ANKS1B: variants seen among roughly 807,000 people sequenced by gnomAD.
The protein encoded by ANKS1B is ankyrin repeat and sterile alpha motif domain containing 1B.
A neutral mutation model predicts 148.3 loss-of-function variants in ANKS1B; 36 were observed. The observed-to-expected ratio is 0.24, with a 90% CI of 0.19 to 0.32. The LOEUF (loss-of-function observed/expected upper bound fraction) is 0.32. Ranked by LOEUF, ANKS1B falls within the 10% of genes least tolerant of loss-of-function variation. The pLI is 1.00. For synonymous variants in ANKS1B, 542 were observed against 560.8 expected (o/e 0.97, Z 0.47); for missense variants, 1,157 against 1,542.6 (o/e 0.75, Z 4.19).
chr12:99,936,955 A>G (rs1446194949), intron 1 of ANKS1B, among the ~76,000 whole-genome samples: 2 of 152,214 alleles, frequency 1.3e-5, no homozygotes, highest in Admixed American at 6.5e-5. Flanking sequence ...ATAGGTAACC[A>G]AAGTATACAG....
intron 9 of ANKS1B, among the ~76,000 whole-genome samples, chr12:99,517,413 A>C (rs1322169186): frequency 6.6e-6 from 1 of 151,930 alleles, no homozygotes; most frequent in Non-Finnish European, 1.5e-5. Flanking sequence ...TGGAGTCTTT[A>C]GGTTTTTCCA....
intron 1 of ANKS1B, among the ~76,000 whole-genome samples, chr12:99,855,247 G>A (rs1364160639): frequency 1.3e-5 from 2 of 152,026 alleles, no homozygotes; most frequent in Non-Finnish European, 2.9e-5. Flanking sequence ...GTGAACAGGA[G>A]TAACTAATAT....
At chr12:99,757,433 C>T (rs7968507) in intron 8 of ANKS1B, among the ~76,000 whole-genome samples, 66,291 of 151,514 alleles carry the variant, frequency 0.44, 14,883 homozygotes, top group South Asian at 0.61. Context: ...ATGTAAAAAA[C>T]ATAACAGACG....
intron 11 of ANKS1B, among the ~76,000 whole-genome samples, chr12:99,433,795 T>G (rs1382172115): frequency 6.6e-6 from 1 of 151,806 alleles, no homozygotes; most frequent in Admixed American, 6.6e-5. Flanking sequence ...ACATGGGGAG[T>G]GAAAGTAGAC....
chr12:98,910,674 A>G (rs550147716), intron 17 of ANKS1B, among the ~76,000 whole-genome samples: 2 of 152,362 alleles, frequency 1.3e-5, no homozygotes, highest in African/African-American at 4.8e-5. Context: ...AAATTTGTAG[A>G]AACTTGTTGT....
Position 99,104,259 on chromosome 12 carries a change from G to A in ANKS1B, c.2527-19236C>T, listed in dbSNP as rs539858374. On this transcript the variant is annotated intron_variant, in intron 15 of 26. Transcript: ENST00000683438. ...CAGATGAGATATTGAGTGTATATGC[G>A]TGTATGTGTATGTTGGGGGAGTGAG... Among the ~76,000 whole-genome samples, 17 of 152,280 alleles carry A rather than the reference G, an allele frequency of 1.1e-4. 1 individual carries two copies. The highest frequency in any genetic ancestry group is 2.4e-4 in the African/African-American group (10 of 41,570).
chr12:99,810,508 G>A (rs1310798730), intron 3 of ANKS1B, among the ~76,000 whole-genome samples: 1 of 151,798 alleles, frequency 6.6e-6, no homozygotes, highest in Non-Finnish European at 1.5e-5. Flanking sequence ...CATCAAAAGA[G>A]TATACATATA....
rs570769940 is a variant in ANKS1B at position 99,510,134 on chromosome 12, G to T, written c.1273-5493C>A. On this transcript the variant is annotated intron_variant, in intron 9 of 26. Transcript: ENST00000683438. ...CAAAATATTACTATTCATTGACAAAGCCACAGATCACCCAAGAGCTCTGAT... is the reference window on the plus strand; with the variant it reads ...CAAAATATTACTATTCATTGACAAATCCACAGATCACCCAAGAGCTCTGAT... Among the ~76,000 whole-genome samples, 20 of 152,034 alleles carry T rather than the reference G, an allele frequency of 1.3e-4. No homozygotes were observed. The South Asian group carries it at 3.9e-3, about 30-fold the overall frequency.
intron 8 of ANKS1B, among the ~76,000 whole-genome samples, chr12:99,709,724 T>C (rs773796848): frequency 1.3e-5 from 2 of 152,000 alleles, no homozygotes; most frequent in Non-Finnish European, 2.9e-5. Flanking sequence ...AAAAAAGGAA[T>C]GAGACAAGGG....
At position 99,474,628 on chromosome 12, in the gene ANKS1B, T is replaced by C. The variant is rs184067032; in HGVS notation, c.1438+29848A>G. Among the ~76,000 whole-genome samples, 6 of 151,930 alleles carry C rather than the reference T, an allele frequency of 3.9e-5. No homozygotes were observed. In the East Asian group the frequency reaches 9.7e-4, roughly 25 times the overall value. On this transcript the variant is annotated intron_variant, in intron 10 of 26. Coordinates refer to ENST00000683438, the MANE Select transcript of ANKS1B (RefSeq NM_001352186.2). ...GCAAACAAAATAACAGAAATGAAAA[T>C]ATTAAAATATATAAGGTCATATTTT...
At chr12:99,658,625 C>T (rs1334440314) in intron 8 of ANKS1B, among the ~76,000 whole-genome samples, 1 of 152,090 alleles carries the variant, frequency 6.6e-6, no homozygotes, top group African/African-American at 2.4e-5. Flanking sequence ...CCTAGCTCTA[C>T]CACTTCCAAG....
intron 17 of ANKS1B, among the ~76,000 whole-genome samples, chr12:98,885,785 C>A (rs1051092061): frequency 6.6e-6 from 1 of 152,158 alleles, no homozygotes; most frequent in Non-Finnish European, 1.5e-5. Context: ...TTGAGTTGAG[C>A]TGAGCTGTCT....
chr12:99,807,898 T>C (rs1381418776), intron 3 of ANKS1B, among the ~76,000 whole-genome samples: 3 of 152,130 alleles, frequency 2.0e-5, no homozygotes, highest in African/African-American at 7.2e-5. Flanking sequence ...ACTATATATA[T>C]TGTCTCATTT....
At chr12:99,260,926 A>C (rs1376802900) in intron 12 of ANKS1B, among the ~76,000 whole-genome samples, 1 of 152,188 alleles carries the variant, frequency 6.6e-6, no homozygotes, top group Non-Finnish European at 1.5e-5. Context: ...GGTAAATGAC[A>C]TATTCATTTA....
chr12:99,873,156 CTAT>C (rs1370836778), intron 1 of ANKS1B, among the ~76,000 whole-genome samples: 1 of 152,020 alleles, frequency 6.6e-6, no homozygotes, highest in East Asian at 1.9e-4. Flanking sequence ...AAATGTTAGG[CTAT>C]TATTATTATC....
At position 99,181,247 on chromosome 12, in the gene ANKS1B, C is replaced by CT. The variant is rs200363985; in HGVS notation, c.2420-26853dup. 4.4e-3 allele frequency among the ~76,000 whole-genome samples: 646 copies of CT among 146,278 alleles called. 2 individuals are homozygous for CT. Among genetic ancestry groups the CT allele is most frequent in the African/African-American group, 0.013 (535 of 40,016 alleles). ...ATAAGTTAGGAAAAAGAAGCCTTGG[C>CT]TTTTTTTTTTGGCTCCCAATACCTT... On this transcript the variant is annotated intron_variant, in intron 14 of 26. Transcript: ENST00000683438.
At chr12:99,174,967 A>G (rs1334660255) in intron 14 of ANKS1B, among the ~76,000 whole-genome samples, 1 of 152,202 alleles carries the variant, frequency 6.6e-6, no homozygotes, top group African/African-American at 2.4e-5. Flanking sequence ...CTGATGCTCA[A>G]TGAAGGAATT....
intron 9 of ANKS1B, among the ~76,000 whole-genome samples, chr12:98,737,181 G>A (rs1183345487): frequency 6.6e-6 from 1 of 152,114 alleles, no homozygotes; most frequent in Non-Finnish European, 1.5e-5. Context: ...GCCTCCAGTT[G>A]TGCCCTTCTG....
At chr12:99,584,195 A>G (rs374720646) in intron 9 of ANKS1B, among the ~76,000 whole-genome samples, 6 of 152,238 alleles carry the variant, frequency 3.9e-5, no homozygotes, top group African/African-American at 1.4e-4. Context: ...TCAATTTTAT[A>G]AAGTCATGGG....
Sources: gnomAD v4.1 joint callset for allele counts (sites outside exome capture counted in the v4.1 genomes callset) on GRCh38, gnomAD v4.1.1 for gene constraint, MANE v1.5 for transcripts, NCBI Gene and HGNC (gene_info 2026-07-23, HGNC 2026-07-21) for gene names.